The following DDX1 variants were observed in gnomAD, a reference collection of about 807,000 sequenced individuals.
The protein encoded by DDX1 is ATP-dependent RNA helicase DDX1.
DDX1 carries 28 observed loss-of-function variants against 108.7 expected under a neutral mutation model. That is an observed-to-expected ratio of 0.26 (90% CI 0.19 to 0.35). The LOEUF is 0.35. Among genes scored for constraint, DDX1 ranks in the 10% least tolerant of loss-of-function variants. DDX1 has a pLI of 1.00. For missense variants in DDX1, 710 were observed against 884.5 expected, an observed-to-expected ratio of 0.80 and a Z score of 2.50; for synonymous variants, 295 against 288.9, an observed-to-expected ratio of 1.02 and a Z score of -0.21.
At chr2:15,621,401 G>C (rs1459811046) in intron 18 of DDX1, 7 of 300,308 alleles carry the variant, frequency 2.3e-5, no homozygotes, top group Non-Finnish European at 4.3e-5. Flanking sequence ...CGGCCACCCG[G>C]GTTCAAGCAG....
chr2:15,609,284 A>C (rs1665717545), intron 13 of DDX1, among the ~76,000 whole-genome samples: 1 of 152,226 alleles, frequency 6.6e-6, no homozygotes, highest in East Asian at 1.9e-4. Flanking sequence ...TAATAAAATC[A>C]ATTTATTGGT....
rs924323561 is a variant in DDX1 at position 15,612,976 on chromosome 2, C to T, written c.957-248C>T. Among the ~76,000 whole-genome samples, 13 of 146,716 alleles carry T rather than the reference C, an allele frequency of 8.9e-5. No individual in the cohort carries two copies. The South Asian group carries it at 9.1e-4, about 10-fold the overall frequency. On this transcript the variant is annotated intron_variant, in intron 13 of 25. Coordinates refer to ENST00000233084, the MANE Select transcript of DDX1 (RefSeq NM_004939.3). ...GCAGCAGTACAGTCCAGCTTCGGCT[C>T]GGTATCAGAGGGAGACCGTGGAAAG... is the stretch of plus-strand genomic sequence containing the variant.
In DDX1 at chr2:15,621,394, C is replaced by A. The variant is rs1050314870; in HGVS notation, c.1447+278C>A. The A allele has an allele frequency of 3.1e-5, 10 of 317,736 alleles. 1 individual carries two copies. The highest frequency in any genetic ancestry group is 4.1e-5 in the South Asian group (1 of 24,376). The allele number at this position is 317,736 out of a possible 1,614,324, so 19.7% of individuals were successfully genotyped here. A position where few individuals can be genotyped will look rare whatever the true frequency, so the allele number is the denominator to read the frequency against. On this transcript the variant is annotated intron_variant, in intron 18 of 25. Transcript: ENST00000233084. ...CAGTCTCAGCTCAAGGCAACCTCGG[C>A]CACCCGGGTTCAAGCAGTTCTCTTC...
At chr2:15,625,894 A>ATT (rs3836026) in intron 19 of DDX1, among the ~76,000 whole-genome samples, 9 of 150,050 alleles carry the variant, frequency 6.0e-5, no homozygotes, top group East Asian at 2.0e-4. Context: ...TAAGTAACAC[A>ATT]TTTTTTTTTT....
At chr2:15,630,695 G>C in intron 25 of DDX1, 81 bp from the exon 26 acceptor site, 2 of 1,465,536 alleles carry the variant, frequency 1.4e-6, no homozygotes, top group Non-Finnish European at 1.9e-6. Context: ...AGTTTAAAGT[G>C]ATATAATTGA....
At chr2:15,617,565 CAT>C (rs1449938567) in intron 15 of DDX1, among the ~76,000 whole-genome samples, 1 of 152,026 alleles carries the variant, frequency 6.6e-6, no homozygotes, top group Non-Finnish European at 1.5e-5. Flanking sequence ...AATGTAATGT[CAT>C]AAGTATTTCC....
intron 4 of DDX1, 149 bp from the exon 5 acceptor site, chr2:15,597,225 AT>A: frequency 1.7e-6 from 1 of 591,624 alleles, no homozygotes; most frequent in Non-Finnish European, 3.0e-6. Context: ...TCTGATGGGT[AT>A]TTTTGGTTTG....
At chr2:15,627,465 G>A (rs201784285) in intron 20 of DDX1, 1 of 206,716 alleles carries the variant, frequency 4.8e-6, no homozygotes, top group African/African-American at 2.4e-5. Context: ...CTTAAAAACA[G>A]TCTCCAGCAA....
Position 15,597,476 on chromosome 2 carries a change from T to A in DDX1, c.259+5T>A. On this transcript the variant is annotated splice_donor_5th_base_variant and intron_variant, in intron 5 of 25. Coordinates refer to ENST00000233084, the MANE Select transcript of DDX1 (RefSeq NM_004939.3). Reference sequence around the variant, plus strand: ...CAATTAAAACTGGTGCTTCAGGTAATTTTTGTAAATTGATATTTCCTTTTA... The same window carrying A: ...CAATTAAAACTGGTGCTTCAGGTAAATTTTGTAAATTGATATTTCCTTTTA... The A allele has an allele frequency of 1.3e-6, 2 of 1,560,152 alleles. No homozygotes were observed. The highest frequency in any genetic ancestry group is 1.8e-6 in the Non-Finnish European group (2 of 1,139,918).
chr2:15,629,658 G>A lies in DDX1; in HGVS notation c.1932G>A (p.Lys644=). ...RGKGCYNTRL[K]EDGGCTIWYN... is the part of the protein sequence containing the mutation. ...AAGGGTGTTATAACACAAGACTCAA[G>A]GAAGATGGAGGCTGTACCATATGGT... Residue 644 remains lysine (K), a synonymous_variant, in exon 24 of 26, where the codon AAG becomes AAA. Coordinates refer to ENST00000233084, the MANE Select transcript of DDX1 (RefSeq NM_004939.3). The A allele has an allele frequency of 2.5e-6, 4 of 1,588,750 alleles. No homozygotes were observed. The highest frequency in any genetic ancestry group is 3.4e-6 in the Non-Finnish European group (4 of 1,172,370).
At chr2:15,622,716 A>C (rs1666032944) in intron 18 of DDX1, among the ~76,000 whole-genome samples, 1 of 152,176 alleles carries the variant, frequency 6.6e-6, no homozygotes, top group African/African-American at 2.4e-5. Context: ...TGTCATCCCA[A>C]ATGCATTTTA....
rs532956597 is a variant in DDX1 at position 15,617,441 on chromosome 2, A to T, written c.1116+99A>T. 5.4e-6 allele frequency: 3 copies of T among 558,798 alleles called. No homozygotes were observed. In the South Asian group the frequency reaches 1.1e-4, roughly 20 times the overall value. 34.6% of individuals were successfully genotyped at this position (558,798 alleles called of 1,614,324 possible). A position where few individuals can be genotyped will look rare whatever the true frequency, so the allele number is the denominator to read the frequency against. On this transcript the variant is annotated intron_variant, in intron 15 of 25. Transcript: ENST00000233084. ...AGAAATATAATTCAGTCATGATCCT[A>T]CTACCTAGAGATAATCATTGTTATC... is the stretch of plus-strand genomic sequence containing the variant.
intron 21 of DDX1, 54 bp from the exon 22 acceptor site, chr2:15,628,584 G>C: frequency 6.3e-7 from 1 of 1,594,970 alleles, no homozygotes; most frequent in Non-Finnish European, 8.6e-7. Context: ...CTTCTAATAT[G>C]TTTGAAAAAT....
chr2:15,597,995 T>C (rs1006230670), intron 5 of DDX1, among the ~76,000 whole-genome samples: 3 of 152,166 alleles, frequency 2.0e-5, no homozygotes, highest in African/African-American at 7.2e-5. Context: ...ATTAGGTTTC[T>C]GATACTGTCT....
chr2:15,617,291 A>T lies in DDX1; in HGVS notation c.1065A>T (p.Ser355=). ...GTPGRLDDLV[S]TGKLNLSQVR... ...CGGGAAGACTAGATGACTTGGTGTCAACTGGAAAGCTGAACTTATCTCAAG... is the reference window on the plus strand; with the variant it reads ...CGGGAAGACTAGATGACTTGGTGTCTACTGGAAAGCTGAACTTATCTCAAG... Residue 355 remains serine, a synonymous_variant, in exon 15 of 26, where the codon TCA becomes TCT. Transcript: ENST00000233084. 1.9e-6 allele frequency: 3 copies of T among 1,596,614 alleles called. No homozygotes were observed. The highest frequency in any genetic ancestry group is 2.6e-6 in the Non-Finnish European group (3 of 1,169,660).
intron 13 of DDX1, among the ~76,000 whole-genome samples, chr2:15,607,835 A>G (rs1665689840): frequency 6.6e-6 from 1 of 152,206 alleles, no homozygotes; most frequent in Non-Finnish European, 1.5e-5. Flanking sequence ...AATTACAGGC[A>G]TGAGCCACTG....
intron 10 of DDX1, among the ~76,000 whole-genome samples, chr2:15,605,100 G>C (rs1665642794): frequency 6.6e-6 from 1 of 152,154 alleles, no homozygotes; most frequent in South Asian, 2.1e-4. Flanking sequence ...TCTAAACTTT[G>C]GTTTTTATTT....
At chr2:15,600,717 A>G (rs1461080245) in intron 6 of DDX1, among the ~76,000 whole-genome samples, 1 of 135,502 alleles carries the variant, frequency 7.4e-6, no homozygotes. Flanking sequence ...AGGACTGTAT[A>G]CTTTTTTTCT....
chr2:15,623,579 G>T lies in DDX1; in HGVS notation c.1591G>T (p.Gly531Ter). ...GGAGCAGTACTTTATACAACAAGGA[G>T]GAGGTAATTTTTTCTCACTTGAAAT... ...NLEQYFIQQG[G>*]GPDKKGHQFS... Residue 531 changes from glycine to a stop codon, truncating the protein, a stop_gained, in exon 19 of 26, where the codon GGA becomes TGA. Transcript: ENST00000233084. LOFTEE classifies it high-confidence loss of function. The T allele has an allele frequency of 6.2e-7, 1 of 1,612,368 alleles. No individual in the cohort carries two copies. The highest frequency in any genetic ancestry group is 8.5e-7 in the Non-Finnish European group (1 of 1,179,022).
Sources: allele counts gnomAD v4.1 joint callset (sites outside exome capture counted in the v4.1 genomes callset), GRCh38; gene constraint gnomAD v4.1.1; transcripts MANE v1.5; gene names NCBI Gene and HGNC (gene_info 2026-07-23, HGNC 2026-07-21).